POM121: variants seen among roughly 807,000 people sequenced by gnomAD.
POM121 encodes the protein POM121 transmembrane nucleoporin, also known as nuclear envelope pore membrane protein POM 121.
POM121 carries 32 observed loss-of-function variants against 81.3 expected under a neutral mutation model. The ratio of observed to expected loss-of-function variants is 0.39; its 90% CI spans 0.30 to 0.53. The LOEUF (loss-of-function observed/expected upper bound fraction) is 0.53, where lower values mean the gene tolerates loss of function less well. POM121 is among the 20% of genes least tolerant of loss of function. The probability of loss-of-function intolerance (pLI) is 0.66; values close to 1 mark genes in which losing one functional copy is unlikely to be tolerated. For synonymous variants in POM121, 514 were observed against 694.2 expected (o/e 0.74, Z 4.08); for missense variants, 1,138 against 1,614.6 (o/e 0.70, Z 5.06).
Position 72,926,276 on chromosome 7 carries a change from T to C in POM121, c.659T>C (p.Leu220Ser), listed in dbSNP as rs1795434307. 1.3e-6 allele frequency: 2 copies of C among 1,561,980 alleles called. No individual in the cohort carries two copies. Among genetic ancestry groups the C allele is most frequent in the Non-Finnish European group, 1.7e-6 (2 of 1,152,406 alleles). ...RRPSPRDCGT[L>S]PNRFVITPRR... ...ATTCTCTGCAGGGATTGTGGGACTT[T>C]ACCAAATCGGTTTGTAATAACACCT... Residue 220 changes from leucine (L) to serine (S), a missense_variant, in exon 2 of 13, where the codon TTA becomes TCA. Transcript: ENST00000434423.
chr7:72,880,580 A>G (rs2129574183), intron 1 of POM121, among the ~76,000 whole-genome samples: 1 of 152,260 alleles, frequency 6.6e-6, no homozygotes, highest in Admixed American at 6.5e-5. Flanking sequence ...TATTTTAAGC[A>G]GTTTAAAGAG....
chr7:72,891,535 T>G (rs561119312), intron 3 of POM121, among the ~76,000 whole-genome samples: 20 of 152,222 alleles, frequency 1.3e-4, no homozygotes, highest in African/African-American at 4.8e-4. Context: ...GCCTCCTGAG[T>G]AGCTGGGATT....
intron 3 of POM121, among the ~76,000 whole-genome samples, chr7:72,913,223 G>C (rs1225794800): frequency 6.6e-6 from 1 of 152,198 alleles, no homozygotes; most frequent in Non-Finnish European, 1.5e-5. Context: ...AGAGAATAGC[G>C]GATGCCCAGG....
At chr7:72,925,996 A>G (rs2129577829) in intron 1 of POM121, among the ~76,000 whole-genome samples, 1 of 152,186 alleles carries the variant, frequency 6.6e-6, no homozygotes, top group Admixed American at 6.5e-5. Flanking sequence ...AACTCCTCGA[A>G]TTTTAGTGCA....
At chr7:72,909,078 G>C (rs1793558281) in intron 3 of POM121, among the ~76,000 whole-genome samples, 4 of 152,168 alleles carry the variant, frequency 2.6e-5, no homozygotes, top group Non-Finnish European at 5.9e-5. Flanking sequence ...GTAAAGACAG[G>C]TGTAAGAAAT....
In POM121 at chr7:72,925,743, C is replaced by T; in HGVS notation, c.622C>T (p.Pro208Ser). Residue 208 changes from proline to serine, a missense_variant, in exon 1 of 13, where the codon CCC becomes TCC. Around this residue, in one of 7 missense-constraint regions of POM121, gnomAD observed 646 missense variants for 633.5 expected, o/e 1.02. Coordinates refer to ENST00000434423, the MANE Select transcript of POM121 (RefSeq NM_001387691.1). ...CTCTCTGCCCACTCCTCTTCTCCGA[C>T]CCTCCAGGAGGCCTTCCCCACGGTA... Reference protein sequence around the residue: ...YPSLPTPLLRPSRRPSPRDCG... With the variant: ...YPSLPTPLLRSSRRPSPRDCG... The T allele has an allele frequency of 1.5e-6, 2 of 1,304,524 alleles. No homozygotes were observed. The highest frequency in any genetic ancestry group is 2.0e-5 in the South Asian group (1 of 51,214). The allele number at this position is 1,304,524 out of a possible 1,614,324, so 80.8% of individuals were successfully genotyped here. A position where few individuals can be genotyped will look rare whatever the true frequency, so the allele number is the denominator to read the frequency against.
downstream of POM121, chr7:72,948,623 G>A: frequency 3.7e-6 from 6 of 1,603,444 alleles, no homozygotes; most frequent in Non-Finnish European, 5.1e-6. Flanking sequence ...TGTTAGATGT[G>A]CCAGTACCAT....
rs1176371162 is a variant in POM121, at chr7:72,898,979, CTTTTTTTTTTTTT to C, written c.-216+7883_-216+7895del. Among the ~76,000 whole-genome samples the C allele has an allele frequency of 1.8e-4, 6 of 34,096 alleles. No individual in the cohort carries two copies. In the South Asian group the frequency reaches 6.4e-3, roughly 36 times the overall value. 22.4% of individuals were successfully genotyped at this position (34,096 alleles called of 152,430 possible). A position where few individuals can be genotyped will look rare whatever the true frequency, so the allele number is the denominator to read the frequency against. ...TCTGTGTTTCTTTTTCTTTTCTTTTCTTTTTTTTTTTTTTTTTTTTTTTTTTAGACAGAGTCTC... is the reference window on the plus strand; with the variant it reads ...TCTGTGTTTCTTTTTCTTTTCTTTTCTTTTTTTTTTTTTAGACAGAGTCTC... On this transcript the variant is annotated intron_variant, in intron 3 of 15. Coordinates refer to the POM121 transcript ENST00000395270.
chr7:72,925,016 C>G, upstream of POM121: 1 of 1,328,148 alleles, frequency 7.5e-7, no homozygotes, highest in South Asian at 2.0e-5. Flanking sequence ...CGGGCGGTAG[C>G]GTCTCCCGGA....
At chr7:72,892,780 C>G (rs1354190879) in intron 3 of POM121, among the ~76,000 whole-genome samples, 3 of 151,760 alleles carry the variant, frequency 2.0e-5, no homozygotes, top group Non-Finnish European at 4.4e-5. Flanking sequence ...ATTCTCCTGC[C>G]TCAGCCTCCC....
chr7:72,931,938 A>G (rs1313915405), intron 5 of POM121, among the ~76,000 whole-genome samples: 1 of 151,896 alleles, frequency 6.6e-6, no homozygotes, highest in Non-Finnish European at 1.5e-5. Flanking sequence ...GGCTGAAGTC[A>G]GTTTAAGAAT....
At chr7:72,907,992 T>C (rs1257919755) in intron 3 of POM121, among the ~76,000 whole-genome samples, 3 of 152,238 alleles carry the variant, frequency 2.0e-5, no homozygotes, top group Non-Finnish European at 2.9e-5. Flanking sequence ...ATTGTTATGA[T>C]ACAGATTGGA....
chr7:72,920,345 C>CG, upstream of POM121, among the ~76,000 whole-genome samples: 1 of 112,550 alleles, frequency 8.9e-6, no homozygotes, highest in East Asian at 2.5e-4. Context: ...GAGTAATGGT[C>CG]TTTTTTTTTT....
At chr7:72,884,511 AT>A (rs1790489245) in intron 1 of POM121, among the ~76,000 whole-genome samples, 1 of 97,376 alleles carries the variant, frequency 1.0e-5, no homozygotes, top group Non-Finnish European at 1.9e-5. Context: ...TAGCAAATAT[AT>A]ACATATAATA....
Position 72,942,937 on chromosome 7 carries a change from G to T in POM121, c.2944G>T (p.Ala982Ser), listed in dbSNP as rs781851733. ...FGAAEGQPPG[A>S]AKPALAPSFG... is the part of the protein sequence containing the mutation. ...GGCCGCTGAGGGGCAGCCACCGGGG[G>T]CCGCCAAGCCGGCCCTTGCCCCCAG... The change falls in exon 11 of 13, where the codon GCC (alanine) becomes TCC (serine). Residue 982 changes from alanine to serine, a missense_variant. By Grantham distance (99) the Ala-to-Ser change is moderately conservative. Around this residue, in one of 7 missense-constraint regions of POM121, gnomAD observed 45 missense variants for 75.7 expected, o/e 0.59. Transcript: ENST00000434423. 9 of 1,604,076 alleles carry T rather than the reference G, an allele frequency of 5.6e-6. No homozygotes were observed. The African/African-American group carries it at 6.7e-5, about 12-fold the overall frequency.
rs782474090 is a variant in POM121, at chr7:72,925,550, G to T, written c.429G>T (p.Lys143Asn). The change falls in exon 1 of 13, where the codon AAG (lysine) becomes AAT (asparagine). Residue 143 changes from lysine (K) to asparagine (N), a missense_variant. Lys to Asn is a moderately conservative substitution (Grantham distance 94). Around this residue, in one of 7 missense-constraint regions of POM121, gnomAD observed 646 missense variants for 633.5 expected, o/e 1.02. Coordinates refer to ENST00000434423, the MANE Select transcript of POM121 (RefSeq NM_001387691.1). ...ELLLMGSYLGKPGPPQPAAAP... is the reference protein window; with the variant it reads ...ELLLMGSYLGNPGPPQPAAAP... ...TACTCATGGGCAGTTACCTGGGCAA[G>T]CCCGGGCCGCCGCAGCCCGCCGCCG... The T allele has an allele frequency of 5.2e-6, 8 of 1,531,558 alleles. No individual in the cohort carries two copies. The African/African-American group carries it at 6.9e-5, about 13-fold the overall frequency. The allele number at this position is 1,531,558 out of a possible 1,614,324, so 94.9% of individuals were successfully genotyped here.
At chr7:72,926,161 A>T in intron 1 of POM121, 101 bp from the exon 2 acceptor site, 2 of 1,239,878 alleles carry the variant, frequency 1.6e-6, no homozygotes, top group Non-Finnish European at 2.2e-6. Context: ...AAAGAGACTT[A>T]AGTTCTTTGG....
downstream of POM121, chr7:72,950,285 C>T: frequency 9.0e-7 from 1 of 1,107,740 alleles, no homozygotes; most frequent in Admixed American, 2.7e-5. Context: ...ACAAATGTTA[C>T]CACAGCTATG....
chr7:72,887,985 G>A (rs1790902271), intron 1 of POM121, among the ~76,000 whole-genome samples: 1 of 152,126 alleles, frequency 6.6e-6, no homozygotes, highest in Non-Finnish European at 1.5e-5. Flanking sequence ...TCACACCTGA[G>A]GGCAGAAGTC....
Sources: allele counts gnomAD v4.1 joint callset (sites outside exome capture counted in the v4.1 genomes callset), GRCh38; gene constraint gnomAD v4.1.1; regional missense constraint gnomAD v4.1.1; transcripts MANE v1.5; gene names NCBI Gene and HGNC (gene_info 2026-07-23, HGNC 2026-07-21).